The following SOX6 variants were observed in gnomAD, a reference collection of about 807,000 sequenced individuals.
The protein encoded by SOX6 is SRY-box transcription factor 6, also known as transcription factor SOX-6.
SOX6 carries 11 observed loss-of-function variants against 97.8 expected under a neutral mutation model. That is an observed-to-expected ratio of 0.11 (90% confidence interval 0.07 to 0.19). The LOEUF is 0.19. Among genes scored for constraint, SOX6 ranks in the 10% least tolerant of loss-of-function variants. The pLI, the probability that SOX6 is intolerant of heterozygous loss-of-function variation, is 1.00. For synonymous variants in SOX6, 360 were observed against 371.4 expected, an observed-to-expected ratio of 0.97 and a Z score of 0.35; for missense variants, 810 against 1,039.5, an observed-to-expected ratio of 0.78 and a Z score of 3.04.
intron 1 of SOX6, among the ~76,000 whole-genome samples, chr11:16,403,204 C>G (rs779521747): frequency 4.6e-5 from 7 of 151,658 alleles, no homozygotes; most frequent in African/African-American, 7.3e-5. Flanking sequence ...AAATATTCCT[C>G]CTCCTGAGGC....
intron 11 of SOX6, 178 bp downstream of exon 11, chr11:16,049,577 T>G: frequency 1.4e-6 from 1 of 731,126 alleles, no homozygotes; most frequent in Non-Finnish European, 2.2e-6. Context: ...TATTATGACC[T>G]TTTCCAAAAG....
chr11:16,076,292 A>G (rs1848349870), intron 9 of SOX6, among the ~76,000 whole-genome samples: 2 of 152,156 alleles, frequency 1.3e-5, no homozygotes, highest in African/African-American at 4.8e-5. Context: ...GCAAAGCTAA[A>G]GAAATTATCA....
At chr11:16,101,588 C>T (rs1848948030) in intron 7 of SOX6, among the ~76,000 whole-genome samples, 1 of 151,542 alleles carries the variant, frequency 6.6e-6, no homozygotes, top group Non-Finnish European at 1.5e-5. Flanking sequence ...GACCAATCAT[C>T]CGAAAATCTG....
chr11:16,139,808 A>C (rs975370174), intron 6 of SOX6, among the ~76,000 whole-genome samples: 4 of 151,930 alleles, frequency 2.6e-5, no homozygotes, highest in Non-Finnish European at 5.9e-5. Context: ...ACTTCTCTCT[A>C]TATAGATATG....
intron 1 of SOX6, among the ~76,000 whole-genome samples, chr11:16,377,626 T>C (rs1857678280): frequency 6.6e-6 from 1 of 152,174 alleles, no homozygotes. Context: ...TTTATTGTTT[T>C]CTTTTCATTG....
chr11:16,737,651 C>T (rs545926912), intron 1 of SOX6, among the ~76,000 whole-genome samples: 23 of 152,110 alleles, frequency 1.5e-4, no homozygotes, highest in Non-Finnish European at 3.1e-4. Flanking sequence ...AGATAGTCTT[C>T]AGTATCTGAA....
chr11:16,729,359 C>A (rs1211920592), intron 2 of SOX6, among the ~76,000 whole-genome samples: 1 of 152,126 alleles, frequency 6.6e-6, no homozygotes, highest in Non-Finnish European at 1.5e-5. Context: ...AAGGGAAGCC[C>A]ATAAGACTAA....
In SOX6 at chr11:16,077,176, G is replaced by A. The variant is rs144915390; in HGVS notation, c.1101+18820C>T. Among the ~76,000 whole-genome samples the A allele has an allele frequency of 4.1e-3, 628 of 152,114 alleles. 2 individuals carry two copies. Among genetic ancestry groups the A allele is most frequent in the South Asian group, 0.021 (102 of 4,814 alleles). The stretch of plus-strand genomic sequence containing the variant: ...GACCAGGTCCTTCTTCCAACACTGG[G>A]GATTACAATTCAACATGAGATTTGG... On this transcript the variant is annotated intron_variant, in intron 9 of 15. Coordinates refer to ENST00000683767, the MANE Select transcript of SOX6 (RefSeq NM_001367873.1).
At chr11:16,465,430 A>G (rs941463767) in intron 1 of SOX6, among the ~76,000 whole-genome samples, 2 of 152,216 alleles carry the variant, frequency 1.3e-5, no homozygotes, top group African/African-American at 4.8e-5. Context: ...CATTCTGATT[A>G]ATGATTCTAC....
At chr11:16,370,553 G>T (rs189890404) in intron 1 of SOX6, among the ~76,000 whole-genome samples, 2 of 152,128 alleles carry the variant, frequency 1.3e-5, no homozygotes, top group Admixed American at 1.3e-4. Context: ...GTTCATATCT[G>T]TACACTCTCA....
chr11:16,403,328 T>G (rs1397517194), intron 1 of SOX6, among the ~76,000 whole-genome samples: 1 of 151,690 alleles, frequency 6.6e-6, no homozygotes, highest in African/African-American at 2.4e-5. Context: ...ATCAACAACC[T>G]ATTGTTGTGG....
chr11:15,988,870 C>A, intron 14 of SOX6, 127 bp downstream of exon 14: 1 of 911,650 alleles, frequency 1.1e-6, no homozygotes, highest in Non-Finnish European at 1.7e-6. Context: ...AGCTGGCTGA[C>A]CTTCGTCTAA....
chr11:16,291,457 A>G (rs915943942), intron 3 of SOX6, among the ~76,000 whole-genome samples: 1 of 151,700 alleles, frequency 6.6e-6, no homozygotes, highest in South Asian at 2.1e-4. Context: ...AAACAAATAA[A>G]CCTACCTTGC....
At chr11:16,090,872 T>C (rs1310912788) in intron 9 of SOX6, among the ~76,000 whole-genome samples, 2 of 152,090 alleles carry the variant, frequency 1.3e-5, no homozygotes, top group Non-Finnish European at 2.9e-5. Context: ...CTGAGGTTAC[T>C]GAAAAGTTTT....
At chr11:16,426,742 G>A (rs1027563141) in intron 1 of SOX6, among the ~76,000 whole-genome samples, 13 of 151,140 alleles carry the variant, frequency 8.6e-5, no homozygotes, top group African/African-American at 2.7e-4. Flanking sequence ...GTGAAACCCC[G>A]TCTCTACTAA....
intron 1 of SOX6, among the ~76,000 whole-genome samples, chr11:16,373,722 A>T (rs1434645086): frequency 6.6e-6 from 1 of 150,922 alleles, no homozygotes; most frequent in African/African-American, 2.4e-5. Context: ...CAACAAATAC[A>T]TTGAATAAAC....
rs138402634 is a variant in SOX6, at chr11:16,549,191, C to T, written n.609+62890G>A. 2.1e-3 allele frequency among the ~76,000 whole-genome samples: 322 copies of T among 152,056 alleles called. 2 individuals are homozygous for T. Among genetic ancestry groups the T allele is most frequent in the African/African-American group, 5.8e-3 (239 of 41,494 alleles). On this transcript the variant is annotated intron_variant and non_coding_transcript_variant, in intron 4 of 5. Coordinates refer to the SOX6 transcript ENST00000524520. Reference sequence around the variant, plus strand: ...AACTAAAAAAAATTTTTTTTTGAGGCGGCATTTCACTCTTGTTGACCAAGC... The same window carrying T: ...AACTAAAAAAAATTTTTTTTTGAGGTGGCATTTCACTCTTGTTGACCAAGC...
intron 4 of SOX6, among the ~76,000 whole-genome samples, chr11:16,521,414 G>A (rs923115970): frequency 1.1e-4 from 17 of 152,170 alleles, no homozygotes; most frequent in African/African-American, 4.1e-4. Context: ...ACCTGCAGCT[G>A]AGGGTCCTGT....
At chr11:16,433,201 CA>C (rs142421610) in intron 1 of SOX6, among the ~76,000 whole-genome samples, 2,371 of 152,072 alleles carry the variant, frequency 0.016, 52 homozygotes, top group African/African-American at 0.054. Context: ...AAAATGTTAA[CA>C]ATAGCAAATA....
Sources: gnomAD v4.1 joint callset for allele counts (sites outside exome capture counted in the v4.1 genomes callset) on GRCh38, gnomAD v4.1.1 for gene constraint, MANE v1.5 for transcripts, NCBI Gene and HGNC (gene_info 2026-07-23, HGNC 2026-07-21) for gene names.